The following CHN1 variants were observed in gnomAD, a reference collection of about 807,000 sequenced individuals.
The protein encoded by CHN1 is chimerin 1.
A neutral mutation model predicts 59.5 loss-of-function variants in CHN1; 37 were observed. That is an observed-to-expected ratio of 0.62 (90% CI 0.48 to 0.82). The LOEUF (loss-of-function observed/expected upper bound fraction) is 0.82, where lower values mean the gene tolerates loss of function less well. Ranked by LOEUF, CHN1 falls within the 40% of genes least tolerant of loss-of-function variation. CHN1 has a pLI of 0.00. For missense variants in CHN1, 469 were observed against 571.0 expected, an observed-to-expected ratio of 0.82 and a Z score of 1.82; for synonymous variants, 206 against 200.4, an observed-to-expected ratio of 1.03 and a Z score of -0.24.
chr2:174,846,357 T>G (rs762785993), intron 7 of CHN1: 6 of 1,549,376 alleles, frequency 3.9e-6, no homozygotes, highest in Non-Finnish European at 5.2e-6. Flanking sequence ...AAGCTGCTAG[T>G]GTCAGCAGCA....
chr2:174,915,770 C>T (rs1378191172), intron 4 of CHN1, among the ~76,000 whole-genome samples: 1 of 152,056 alleles, frequency 6.6e-6, no homozygotes, highest in Non-Finnish European at 1.5e-5. Flanking sequence ...AAAAAATAAA[C>T]ACAAATAACA....
intron 1 of CHN1, among the ~76,000 whole-genome samples, chr2:174,970,712 G>A (rs1690731858): frequency 6.6e-6 from 1 of 152,180 alleles, no homozygotes; most frequent in Admixed American, 6.5e-5. Flanking sequence ...AGATCATAAT[G>A]TACGAGAGTA....
intron 1 of CHN1, among the ~76,000 whole-genome samples, chr2:174,984,365 GCTTTTT>G (rs1691267087): frequency 7.2e-6 from 1 of 139,220 alleles, no homozygotes; most frequent in African/African-American, 2.7e-5. Context: ...TGTTTTATAA[GCTTTTT>G]TTTTTTTTTT....
chr2:174,815,618 A>T, intron 8 of CHN1, among the ~76,000 whole-genome samples: 1 of 140,008 alleles, frequency 7.1e-6, no homozygotes, highest in African/African-American at 2.7e-5. Context: ...TTGTTTCAAG[A>T]GTGTTCATAA....
At position 175,005,237 on chromosome 2, in the gene CHN1, T is replaced by C; in HGVS notation, c.-325A>G. 1.0e-5 allele frequency: 12 copies of C among 1,177,912 alleles called. No homozygotes were observed. The South Asian group carries it at 1.1e-4, about 11-fold the overall frequency. 73.0% of individuals were successfully genotyped at this position (1,177,912 alleles called of 1,614,324 possible). A position where few individuals can be genotyped will look rare whatever the true frequency, so the allele number is the denominator to read the frequency against. On this transcript the variant is annotated 5_prime_UTR_variant, in exon 1 of 13. Transcript: ENST00000409900. ...GGCAGGAGGCTTGGCCGCGGCGCAG[T>C]GGCTGGCGGAGAGGCGGCGCCGCAC...
At chr2:174,903,704 T>C (rs1688458247) in intron 5 of CHN1, among the ~76,000 whole-genome samples, 1 of 152,224 alleles carries the variant, frequency 6.6e-6, no homozygotes, top group African/African-American at 2.4e-5. Flanking sequence ...TGATAAGTTA[T>C]ACAAGGTTAC....
chr2:174,863,878 C>G (rs569900984), intron 6 of CHN1, among the ~76,000 whole-genome samples: 1 of 152,226 alleles, frequency 6.6e-6, no homozygotes, highest in Non-Finnish European at 1.5e-5. Flanking sequence ...GAACACTGAT[C>G]GTCAGCACTT....
At chr2:174,844,220 T>C (rs1483279783) in intron 7 of CHN1, among the ~76,000 whole-genome samples, 1 of 150,076 alleles carries the variant, frequency 6.7e-6, no homozygotes, top group African/African-American at 2.4e-5. Flanking sequence ...AAAGAGACCA[T>C]GTTACATAAC....
chr2:174,807,910 G>C lies in CHN1; in HGVS notation c.1102+995C>G, dbSNP rs10204116. ...AAGACAACATATGGTTTTAAAGAGA[G>C]AAAAGCAAAATGACAGAAATAGCCT... On this transcript the variant is annotated intron_variant, in intron 11 of 12. Coordinates refer to ENST00000409900, the MANE Select transcript of CHN1 (RefSeq NM_001822.7). 5.1e-3 allele frequency among the ~76,000 whole-genome samples: 778 copies of C among 152,226 alleles called. 7 individuals are homozygous for C. Among genetic ancestry groups the C allele is most frequent in the African/African-American group, 0.016 (662 of 41,552 alleles).
chr2:174,952,334 C>T (rs36093204), intron 1 of CHN1, 132 bp from the exon 2 acceptor site: 20,066 of 479,688 alleles, frequency 0.042, 583 homozygotes, highest in Admixed American at 0.1. Flanking sequence ...CACTAAGGGG[C>T]ATTCAAGGGT....
intron 5 of CHN1, 85 bp from the exon 6 acceptor site, chr2:174,878,213 C>A: frequency 8.1e-7 from 1 of 1,239,034 alleles, no homozygotes; most frequent in Non-Finnish European, 1.1e-6. Context: ...CAAAAAAAAA[C>A]TATCGCTTTG....
At chr2:174,979,147 G>A (rs571764587) in intron 1 of CHN1, among the ~76,000 whole-genome samples, 49 of 152,280 alleles carry the variant, frequency 3.2e-4, no homozygotes, top group Non-Finnish European at 6.2e-4. Flanking sequence ...ATTTCAAGTC[G>A]AGGCATCATC....
In CHN1 at chr2:174,954,171, A is replaced by C. The variant is rs146792351; in HGVS notation, c.20-1969T>G. ...ACAGCCAACTGACCTTCAACAAAGC[A>C]AACAAAAACATTAAGTGGGGAAAGG... On this transcript the variant is annotated intron_variant, in intron 1 of 12. Transcript: ENST00000409900. 5.5e-3 allele frequency among the ~76,000 whole-genome samples: 837 copies of C among 152,260 alleles called. 4 individuals carry two copies. Among genetic ancestry groups the C allele is most frequent in the African/African-American group, 0.019 (797 of 41,570 alleles).
chr2:174,832,215 AG>A (rs1685903819), intron 7 of CHN1, among the ~76,000 whole-genome samples: 1 of 152,130 alleles, frequency 6.6e-6, no homozygotes, highest in Non-Finnish European at 1.5e-5. Context: ...TAAAATGCAC[AG>A]GAAGTTATTA....
chr2:174,986,212 C>T (rs756273599), intron 1 of CHN1, among the ~76,000 whole-genome samples: 23 of 152,010 alleles, frequency 1.5e-4, no homozygotes, highest in Admixed American at 7.2e-4. Flanking sequence ...TTAAAAAGCA[C>T]CTACTCAGCA....
rs778413943 is a variant in CHN1, at chr2:174,877,848, C to T, written c.541G>A (p.Glu181Lys). Residue 181 changes from glutamate to lysine, a missense_variant, in exon 6 of 13, where the codon GAG (glutamate) becomes AAG (lysine). Transcript: ENST00000409900. ...GTTTCATAGTAGCTTACCCTTTTCT[C>T]TGACACCCCATCCTGGCCTGTAGAA... ...RDSTGQDGVSEKRLTSLVRRA... is the reference protein window; with the variant it reads ...RDSTGQDGVSKKRLTSLVRRA... 1 of 1,611,376 alleles carries T rather than the reference C, an allele frequency of 6.2e-7. No individual in the cohort carries two copies. The highest frequency in any genetic ancestry group is 8.5e-7 in the Non-Finnish European group (1 of 1,178,440).
chr2:174,822,848 C>T (rs949402960), intron 8 of CHN1, among the ~76,000 whole-genome samples: 2 of 152,212 alleles, frequency 1.3e-5, no homozygotes, highest in African/African-American at 2.4e-5. Context: ...CTCTGAGCTT[C>T]GACTCTGAGC....
intron 1 of CHN1, among the ~76,000 whole-genome samples, chr2:174,976,753 T>C (rs564546787): frequency 2.0e-5 from 3 of 152,326 alleles, no homozygotes; most frequent in African/African-American, 7.2e-5. Context: ...AATATTTTTA[T>C]TTTTAGATTT....
intron 1 of CHN1, among the ~76,000 whole-genome samples, chr2:174,958,418 G>C (rs1022228329): frequency 5.3e-5 from 8 of 152,280 alleles, no homozygotes; most frequent in African/African-American, 1.7e-4. Context: ...ATTTGCAGTT[G>C]GTGTCAAAAG....
Sources: gnomAD v4.1 joint callset for allele counts (sites outside exome capture counted in the v4.1 genomes callset) on GRCh38, gnomAD v4.1.1 for gene constraint, MANE v1.5 for transcripts, NCBI Gene and HGNC (gene_info 2026-07-23, HGNC 2026-07-21) for gene names.